The following TMEM131 variants were observed in gnomAD, a reference collection of about 807,000 sequenced individuals.
TMEM131 encodes the protein 2610524E03Rik.
In TMEM131, 66 loss-of-function variants were observed where a neutral mutation model predicts 211.6. That is an observed-to-expected ratio of 0.31 (90% CI 0.26 to 0.38). TMEM131 has a LOEUF of 0.38. Ranked by LOEUF, TMEM131 falls within the 10% of genes least tolerant of loss-of-function variation. The probability of loss-of-function intolerance (pLI) is 1.00; values close to 1 mark genes in which losing one functional copy is unlikely to be tolerated. For missense variants in TMEM131, 2,036 were observed against 2,299.3 expected, an observed-to-expected ratio of 0.89 and a Z score of 2.34; for synonymous variants, 844 against 841.3, an observed-to-expected ratio of 1.00 and a Z score of -0.06.
rs563230714 is a variant in TMEM131, at chr2:97,826,693, T to C, written c.1074+6672A>G. On this transcript the variant is annotated intron_variant, in intron 11 of 40. Coordinates refer to ENST00000186436, the MANE Select transcript of TMEM131 (RefSeq NM_015348.2). ...GAAAAAAAGAGAGACAAAAAAGAAG[T>C]CAAAGAGAAAGAAAAAGAAATGGAA... Among the ~76,000 whole-genome samples the C allele has an allele frequency of 5.2e-4, 78 of 151,138 alleles. 1 individual carries two copies. Among genetic ancestry groups the C allele is most frequent in the African/African-American group, 1.8e-3 (74 of 41,172 alleles).
Position 97,757,276 on chromosome 2 carries a change from C to A in TMEM131, c.5475G>T (p.Thr1825=), listed in dbSNP as rs370335477. ...SALPFTTPAN[T]LASIGLMGTE... is the part of the protein sequence containing the mutation. ...TGCCCATGAGGCCGATGCTTGCCAGCGTGTTTGCTGGAGTGGTGAAGGGAA... is the reference window on the plus strand; with the variant it reads ...TGCCCATGAGGCCGATGCTTGCCAGAGTGTTTGCTGGAGTGGTGAAGGGAA... Residue 1825 remains threonine (T), a synonymous_variant, in exon 41 of 41, where the codon ACG becomes ACT. Transcript: ENST00000186436. The A allele has an allele frequency of 2.4e-4, 394 of 1,613,804 alleles. 6 individuals carry two copies. The South Asian group carries it at 3.3e-3, about 14-fold the overall frequency.
rs75972274 is a variant in TMEM131, at chr2:97,792,455, C to T, written c.4075G>A (p.Asp1359Asn). 8,941 of 1,613,234 alleles carry T rather than the reference C, an allele frequency of 5.5e-3. 561 individuals carry two copies. In the East Asian group the frequency reaches 0.15, roughly 26 times the overall value. ...TCTAGGGCTGGGGAGTCATGGTGGT[C>T]GAAGTCTTTGTCCATGGCTTCTATG... is the stretch of plus-strand genomic sequence containing the variant. ...SLIEAMDKDF[D>N]HHDSPALEVF... The change falls in exon 31 of 41, where the codon GAC becomes AAC. Residue 1359 changes from aspartate (D) to asparagine (N), a missense_variant. This residue lies in a region of TMEM131 where 1,623 missense variants were observed against 1,805.9 expected (regional missense o/e 0.90). Transcript: ENST00000186436.
intron 4 of TMEM131, among the ~76,000 whole-genome samples, chr2:97,867,700 C>A (rs1674328372): frequency 6.6e-6 from 1 of 152,170 alleles, no homozygotes; most frequent in Admixed American, 6.5e-5. Flanking sequence ...CCAGTCCTTT[C>A]TGAAATGTGC....
rs1472760914 is a variant in TMEM131, at chr2:97,792,629, G to A, written c.3901C>T (p.His1301Tyr). The change falls in exon 31 of 41, where the codon CAC (histidine) becomes TAC (tyrosine). Residue 1301 changes from histidine (H) to tyrosine (Y), a missense_variant. Transcript: ENST00000186436. ...QHHAHSPLEQHPQPPLPPPVP... is the reference protein window; with the variant it reads ...QHHAHSPLEQYPQPPLPPPVP... ...GGCGGTGGCAGAGGAGGCTGAGGGT[G>A]CTGCTCCAGCGGGCTGTGGGCATGG... 1 of 1,613,454 alleles carries A rather than the reference G, an allele frequency of 6.2e-7. No individual in the cohort carries two copies. Among genetic ancestry groups the A allele is most frequent in the South Asian group, 1.1e-5 (1 of 91,036 alleles).
At chr2:97,811,272 A>G (rs1198115717) in intron 17 of TMEM131, 40 bp from the exon 18 acceptor site, 1 of 1,498,032 alleles carries the variant, frequency 6.7e-7, no homozygotes, top group African/African-American at 1.4e-5. Flanking sequence ...TAGCCTTGTT[A>G]GTTGAAGTTT....
chr2:97,757,000 G>T lies in TMEM131; in HGVS notation c.*99C>A. ...TGTTTTGCAAAGAAGAGGAGGGTGG[G>T]GAGGGGAGCTGCAGTAAGAGCCTTA... is the stretch of plus-strand genomic sequence containing the variant. On this transcript the variant is annotated 3_prime_UTR_variant, in exon 41 of 41. Coordinates refer to ENST00000186436, the MANE Select transcript of TMEM131 (RefSeq NM_015348.2). The T allele has an allele frequency of 7.2e-7, 1 of 1,396,964 alleles. No homozygotes were observed. Among genetic ancestry groups the T allele is most frequent in the Non-Finnish European group, 9.5e-7 (1 of 1,054,962 alleles). 86.5% of individuals were successfully genotyped at this position (1,396,964 alleles called of 1,614,324 possible).
intron 12 of TMEM131, among the ~76,000 whole-genome samples, chr2:97,815,551 G>A (rs1681783843): frequency 6.6e-6 from 1 of 152,194 alleles, no homozygotes; most frequent in African/African-American, 2.4e-5. Context: ...GGTTCAGGAG[G>A]TAAAACACTG....
At chr2:97,795,270 T>C (rs1680705700) in intron 28 of TMEM131, among the ~76,000 whole-genome samples, 155 bp from the exon 29 acceptor site, 1 of 152,228 alleles carries the variant, frequency 6.6e-6, no homozygotes, top group East Asian at 1.9e-4. Flanking sequence ...AAAAGTATTG[T>C]CCCATGGTCA....
At chr2:97,804,533 T>G (rs915580059) in intron 22 of TMEM131, among the ~76,000 whole-genome samples, 1 of 149,390 alleles carries the variant, frequency 6.7e-6, no homozygotes, top group African/African-American at 2.5e-5. Context: ...CATGGTGGCA[T>G]GTACCTGTGG....
rs1960330 is a variant in TMEM131, at chr2:97,805,722, G to T, written c.2056-19C>A. 6 of 1,573,080 alleles carry T rather than the reference G, an allele frequency of 3.8e-6. No individual in the cohort carries two copies. In the Middle Eastern group the frequency reaches 5.3e-4, roughly 138 times the overall value. ...TTTTCCCCTGAAGGAAGAAAGCAAA[G>T]AACAAACTCATTTGTATATGGTTAA... On this transcript the variant is annotated intron_variant, in intron 19 of 40. Transcript: ENST00000186436.
chr2:97,799,445 G>A (rs928615425), intron 25 of TMEM131, among the ~76,000 whole-genome samples: 4 of 152,152 alleles, frequency 2.6e-5, no homozygotes, highest in East Asian at 1.9e-4. Flanking sequence ...ATGGAACACC[G>A]TTTATGTCTG....
chr2:97,803,005 T>C (rs1214010048), intron 22 of TMEM131, among the ~76,000 whole-genome samples: 1 of 152,228 alleles, frequency 6.6e-6, no homozygotes, highest in African/African-American at 2.4e-5. Context: ...GATCCTCTGT[T>C]TCTGTACTGA....
At chr2:97,945,195 G>A (rs1677974711) in intron 1 of TMEM131, among the ~76,000 whole-genome samples, 1 of 152,200 alleles carries the variant, frequency 6.6e-6, no homozygotes, top group Non-Finnish European at 1.5e-5. Flanking sequence ...CTAATGCTAA[G>A]TGAAAGCAGC....
intron 4 of TMEM131, 55 bp downstream of exon 4, chr2:97,887,997 T>C: frequency 7.2e-7 from 1 of 1,381,568 alleles, no homozygotes; most frequent in South Asian, 1.2e-5. Flanking sequence ...CAAATGCATG[T>C]AAAATACATT....
At chr2:97,839,922 T>C (rs528036244) in intron 7 of TMEM131, among the ~76,000 whole-genome samples, 29 of 152,236 alleles carry the variant, frequency 1.9e-4, no homozygotes, top group Non-Finnish European at 2.5e-4. Flanking sequence ...GGGACGTTTT[T>C]GCTTCATTCA....
intron 1 of TMEM131, among the ~76,000 whole-genome samples, chr2:97,943,964 C>T (rs908340027): frequency 5.3e-5 from 8 of 152,008 alleles, no homozygotes; most frequent in African/African-American, 1.7e-4. Context: ...CGCCTGTAGT[C>T]GCAGCTACCT....
Position 97,923,316 on chromosome 2 carries a change from C to T in TMEM131, c.249+4110G>A, listed in dbSNP as rs1325444383. ...TAAATAAAAATAAAATAAAACAGGA[C>T]TTTAAGTTTTAAAAGACAAAATTCT... On this transcript the variant is annotated intron_variant, in intron 2 of 40. Coordinates refer to ENST00000186436, the MANE Select transcript of TMEM131 (RefSeq NM_015348.2). Among the ~76,000 whole-genome samples, 942 of 151,884 alleles carry T rather than the reference C, an allele frequency of 6.2e-3. 14 individuals carry two copies. Among genetic ancestry groups the T allele is most frequent in the African/African-American group, 0.02 (821 of 41,428 alleles).
At chr2:97,907,310 G>A (rs1676115217) in intron 3 of TMEM131, 1 of 152,162 alleles carries the variant, frequency 6.6e-6, no homozygotes, top group Non-Finnish European at 1.5e-5. Context: ...TGGGGGAAAA[G>A]GGCCATGTTA....
At chr2:97,934,400 T>A (rs1425519820) in intron 1 of TMEM131, among the ~76,000 whole-genome samples, 1 of 152,140 alleles carries the variant, frequency 6.6e-6, no homozygotes, top group Non-Finnish European at 1.5e-5. Flanking sequence ...GAAGACACAC[T>A]ATATTCATGG....
Sources: gnomAD v4.1 joint callset for allele counts (sites outside exome capture counted in the v4.1 genomes callset) on GRCh38, gnomAD v4.1.1 for gene constraint, gnomAD v4.1.1 regional missense constraint, MANE v1.5 for transcripts, NCBI Gene and HGNC (gene_info 2026-07-23, HGNC 2026-07-21) for gene names.